The following GPBP1 variants were observed in gnomAD, a reference collection of about 807,000 sequenced individuals.
GPBP1 encodes the protein GC-rich promoter binding protein 1.
A neutral mutation model predicts 56.5 loss-of-function variants in GPBP1; 13 were observed. The ratio of observed to expected loss-of-function variants is 0.23; its 90% confidence interval spans 0.15 to 0.37. The LOEUF is 0.37. Among genes scored for constraint, GPBP1 ranks in the 10% least tolerant of loss-of-function variants. The pLI is 1.00. For missense variants in GPBP1, 477 were observed against 572.3 expected (o/e 0.83, Z 1.70); for synonymous variants, 204 against 188.9 (o/e 1.08, Z -0.66).
At chr5:57,224,849 A>G (rs1157935962) in intron 3 of GPBP1, among the ~76,000 whole-genome samples, 1 of 151,688 alleles carries the variant, frequency 6.6e-6, no homozygotes, top group African/African-American at 2.4e-5. Context: ...ATTCTAACTT[A>G]TTAGATTCTC....
chr5:57,180,595 G>C (rs751750686), intron 2 of GPBP1, among the ~76,000 whole-genome samples: 1 of 152,140 alleles, frequency 6.6e-6, no homozygotes, highest in Non-Finnish European at 1.5e-5. Flanking sequence ...AGGGAACTTG[G>C]TTTAGGATAT....
At chr5:57,180,179 ATC>A (rs1753978182) in intron 2 of GPBP1, among the ~76,000 whole-genome samples, 1 of 152,144 alleles carries the variant, frequency 6.6e-6, no homozygotes, top group Admixed American at 6.5e-5. Context: ...CAGTGGCACA[ATC>A]TCTGCTCACT....
chr5:57,256,325 A>C (rs879944106), intron 10 of GPBP1, among the ~76,000 whole-genome samples: 1 of 152,058 alleles, frequency 6.6e-6, no homozygotes, highest in African/African-American at 2.4e-5. Flanking sequence ...GGAAAAAAAA[A>C]CACCCCATAC....
At chr5:57,261,377 A>G in intron 11 of GPBP1, 95 bp downstream of exon 11, 1 of 715,110 alleles carries the variant, frequency 1.4e-6, no homozygotes. Context: ...AGATTTAGGA[A>G]TTTATCACGA....
chr5:57,222,453 C>T (rs1205587639), intron 3 of GPBP1, among the ~76,000 whole-genome samples: 2 of 152,000 alleles, frequency 1.3e-5, no homozygotes, highest in Non-Finnish European at 2.9e-5. Flanking sequence ...AAGTGAAATG[C>T]TAAGTTACTT....
chr5:57,192,663 G>T (rs1280081374), intron 2 of GPBP1, among the ~76,000 whole-genome samples: 2 of 148,112 alleles, frequency 1.4e-5, no homozygotes, highest in African/African-American at 2.5e-5. Flanking sequence ...TGAGGCAGGA[G>T]AATCGCTTGA....
At chr5:57,204,477 CCTG>C (rs1405697993) in intron 2 of GPBP1, among the ~76,000 whole-genome samples, 4 of 152,146 alleles carry the variant, frequency 2.6e-5, no homozygotes, top group Admixed American at 1.3e-4. Context: ...GTCTCAAACT[CCTG>C]GATTCGGGCG....
intron 10 of GPBP1, among the ~76,000 whole-genome samples, chr5:57,252,455 G>A (rs1741441844): frequency 6.6e-6 from 1 of 151,896 alleles, no homozygotes; most frequent in Admixed American, 6.6e-5. Context: ...CAGTGGTGCG[G>A]TATTAGCTCA....
chr5:57,201,362 T>C (rs1579998269), intron 2 of GPBP1, among the ~76,000 whole-genome samples: 1 of 152,124 alleles, frequency 6.6e-6, no homozygotes, highest in Admixed American at 6.6e-5. Flanking sequence ...GAGATGGAGT[T>C]ATTACTCAAA....
intron 5 of GPBP1, among the ~76,000 whole-genome samples, chr5:57,235,380 G>A (rs1344712085): frequency 2.0e-5 from 3 of 150,910 alleles, no homozygotes; most frequent in Non-Finnish European, 4.4e-5. Flanking sequence ...TTAGACTGAT[G>A]CAAAGACCTC....
intron 2 of GPBP1, among the ~76,000 whole-genome samples, chr5:57,192,853 A>T (rs987575540): frequency 9.9e-5 from 15 of 151,888 alleles, no homozygotes; most frequent in African/African-American, 3.6e-4. Context: ...ATCCTATGTT[A>T]CTTACAGTAT....
At chr5:57,183,779 T>TG (rs1245499518) in intron 2 of GPBP1, among the ~76,000 whole-genome samples, 28 of 150,666 alleles carry the variant, frequency 1.9e-4, no homozygotes, top group African/African-American at 4.2e-4. Context: ...TTTTTTTTTT[T>TG]TTTTGTTTTG....
At chr5:57,252,194 T>A (rs1741428754) in intron 10 of GPBP1, among the ~76,000 whole-genome samples, 1 of 136,214 alleles carries the variant, frequency 7.3e-6, no homozygotes, top group Non-Finnish European at 1.5e-5. Context: ...CAGACTGGTC[T>A]CAAGTGATCC....
In GPBP1 at chr5:57,183,013, A is replaced by G. The variant is rs550329582; in HGVS notation, c.-58+6613A>G. The stretch of plus-strand genomic sequence containing the variant: ...TAATTCTTAATTCAGTTTTCAAATT[A>G]TATTTTAAAGCCATATTTCAATTTT... On this transcript the variant is annotated intron_variant, in intron 2 of 11. Coordinates refer to ENST00000506184, the MANE Select transcript of GPBP1 (RefSeq NM_022913.4). Among the ~76,000 whole-genome samples, 3 of 152,284 alleles carry G rather than the reference A, an allele frequency of 2.0e-5. No individual in the cohort carries two copies. The East Asian group carries it at 5.8e-4, about 29-fold the overall frequency.
intron 2 of GPBP1, among the ~76,000 whole-genome samples, chr5:57,176,679 A>G (rs530426721): frequency 1.3e-5 from 2 of 152,330 alleles, no homozygotes; most frequent in African/African-American, 4.8e-5. Context: ...TGGCCGGTAT[A>G]TATTGCCTTA....
rs148275070 is a variant in GPBP1, at chr5:57,251,688, C to T, written c.1160+547C>T. ...TTCTTGTGTGGATATGTTTTTATTT[C>T]TGTTGGATAGATACCTAGGAGTTGA... On this transcript the variant is annotated intron_variant, in intron 10 of 11. Transcript: ENST00000506184. 2.6e-3 allele frequency among the ~76,000 whole-genome samples: 379 copies of T among 148,400 alleles called. 2 individuals carry two copies. The highest frequency in any genetic ancestry group is 3.5e-3 in the Middle Eastern group (1 of 284).
intron 2 of GPBP1, among the ~76,000 whole-genome samples, chr5:57,192,775 T>G (rs961344553): frequency 2.7e-5 from 3 of 112,912 alleles, no homozygotes; most frequent in African/African-American, 6.7e-5. Flanking sequence ...AAAAAAAAAA[T>G]TAGGAGTTAC....
At chr5:57,236,898 A>G in intron 6 of GPBP1, 1 of 524,004 alleles carries the variant, frequency 1.9e-6, no homozygotes, top group Non-Finnish European at 3.4e-6. Context: ...ACTAGTCCTA[A>G]CAGTAAAGGC....
At chr5:57,237,026 G>GGGGTT in intron 6 of GPBP1, 1 of 640,572 alleles carries the variant, frequency 1.6e-6, no homozygotes, top group Non-Finnish European at 2.6e-6. Context: ...GGGTGGGGGT[G>GGGGTT]GGGGTGGTCA....
Sources: gnomAD v4.1 joint callset for allele counts (sites outside exome capture counted in the v4.1 genomes callset) on GRCh38, gnomAD v4.1.1 for gene constraint, MANE v1.5 for transcripts, NCBI Gene and HGNC (gene_info 2026-07-23, HGNC 2026-07-21) for gene names.